Variants in SLC8A1 observed in about 807,000 individuals in gnomAD.
SLC8A1 encodes sodium/calcium exchanger 1.
Under a neutral mutation model 68.3 loss-of-function variants are expected in SLC8A1, and 18 were observed. The ratio of observed to expected loss-of-function variants is 0.26; its 90% CI spans 0.18 to 0.39. SLC8A1 has a LOEUF of 0.39. Among genes scored for constraint, SLC8A1 ranks in the 10% least tolerant of loss-of-function variants. SLC8A1 has a pLI of 1.00. For missense variants in SLC8A1, 985 were observed against 1,156.7 expected, an observed-to-expected ratio of 0.85 and a Z score of 2.15; for synonymous variants, 475 against 415.5, an observed-to-expected ratio of 1.14 and a Z score of -1.74.
intron 2 of SLC8A1, among the ~76,000 whole-genome samples, chr2:40,372,983 C>A (rs1678624137): frequency 6.6e-6 from 1 of 151,742 alleles, no homozygotes; most frequent in Non-Finnish European, 1.5e-5. Flanking sequence ...TACAAAATAC[C>A]AACAGCAGCC....
At chr2:40,144,252 C>A (rs946063491) in intron 6 of SLC8A1, among the ~76,000 whole-genome samples, 4 of 152,172 alleles carry the variant, frequency 2.6e-5, no homozygotes, top group African/African-American at 9.7e-5. Flanking sequence ...TGGGGTGTCT[C>A]TTAAATGACA....
At chr2:40,466,951 A>G (rs1703709253) in intron 1 of SLC8A1, among the ~76,000 whole-genome samples, 1 of 141,748 alleles carries the variant, frequency 7.1e-6, no homozygotes, top group African/African-American at 2.6e-5. Flanking sequence ...TAAATTAAAT[A>G]CCTTACAGGA....
intron 2 of SLC8A1, among the ~76,000 whole-genome samples, chr2:40,305,753 G>A (rs543321565): frequency 3.3e-5 from 5 of 152,166 alleles, no homozygotes; most frequent in African/African-American, 9.7e-5. Context: ...TGTTTGCCAA[G>A]TGTATTACAA....
intron 2 of SLC8A1, among the ~76,000 whole-genome samples, chr2:40,285,226 C>T (rs1265269243): frequency 1.3e-5 from 2 of 152,116 alleles, no homozygotes; most frequent in Non-Finnish European, 2.9e-5. Flanking sequence ...GATTTTTAAC[C>T]TAGGGCTGAT....
chr2:40,348,796 G>T (rs1228838725), intron 2 of SLC8A1, among the ~76,000 whole-genome samples: 1 of 152,128 alleles, frequency 6.6e-6, no homozygotes, highest in East Asian at 1.9e-4. Flanking sequence ...TATTCAGTCT[G>T]GAGGAAAGAA....
At chr2:40,147,995 C>T (rs2042761006) in intron 6 of SLC8A1, among the ~76,000 whole-genome samples, 2 of 152,168 alleles carry the variant, frequency 1.3e-5, no homozygotes, top group Admixed American at 1.3e-4. Flanking sequence ...AGATCTAAAA[C>T]TCTGTCACCT....
intron 2 of SLC8A1, among the ~76,000 whole-genome samples, chr2:40,298,271 A>G (rs770999946): frequency 6.6e-6 from 1 of 152,206 alleles, no homozygotes; most frequent in Non-Finnish European, 1.5e-5. Context: ...TCAAACACAA[A>G]TTGGCTACTT....
chr2:40,350,435 C>T (rs1241760621), intron 2 of SLC8A1, among the ~76,000 whole-genome samples: 3 of 151,826 alleles, frequency 2.0e-5, no homozygotes, highest in Non-Finnish European at 4.4e-5. Context: ...GAACTGTGAT[C>T]GTGCCACTGC....
chr2:40,367,702 C>G (rs1450269597), intron 2 of SLC8A1, among the ~76,000 whole-genome samples: 2 of 151,946 alleles, frequency 1.3e-5, no homozygotes, highest in African/African-American at 4.8e-5. Flanking sequence ...AAAATGGAAT[C>G]TAATACTCAA....
chr2:40,492,342 C>T (rs200493883), intron 1 of SLC8A1, among the ~76,000 whole-genome samples: 23,711 of 151,922 alleles, frequency 0.16, 2,841 homozygotes, highest in East Asian at 0.45. Context: ...CAAAAATTAA[C>T]TCAAGATGGA....
chr2:40,354,678 T>C (rs1672153169), intron 2 of SLC8A1, among the ~76,000 whole-genome samples: 2 of 152,170 alleles, frequency 1.3e-5, no homozygotes, highest in Non-Finnish European at 2.9e-5. Context: ...TCTTCTCCTC[T>C]AACATATAAT....
chr2:40,127,442 T>C (rs1279916666), intron 7 of SLC8A1, among the ~76,000 whole-genome samples: 1 of 152,178 alleles, frequency 6.6e-6, no homozygotes, highest in African/African-American at 2.4e-5. Flanking sequence ...TGGGTTAGTT[T>C]TGGGGTTCTG....
At chr2:40,466,614 A>G (rs909918297) in intron 1 of SLC8A1, among the ~76,000 whole-genome samples, 2 of 152,170 alleles carry the variant, frequency 1.3e-5, no homozygotes, top group African/African-American at 2.4e-5. Context: ...TATTACGAGG[A>G]TCTTGTAGTG....
chr2:40,349,335 G>C (rs1487859264), intron 2 of SLC8A1, among the ~76,000 whole-genome samples: 1 of 152,162 alleles, frequency 6.6e-6, no homozygotes, highest in East Asian at 1.9e-4. Flanking sequence ...AAAAGACAGA[G>C]TGGGCAGGAA....
chr2:40,180,141 C>G (rs1035080359), intron 2 of SLC8A1, among the ~76,000 whole-genome samples: 14 of 151,684 alleles, frequency 9.2e-5, no homozygotes, highest in Admixed American at 4.0e-4. Flanking sequence ...TAGATATTTA[C>G]AAAACTACCA....
intron 1 of SLC8A1, among the ~76,000 whole-genome samples, chr2:40,435,650 G>T (rs1699249277): frequency 6.6e-6 from 1 of 152,116 alleles, no homozygotes. Context: ...CTAGGGTGAA[G>T]GTAGGCAATG....
intron 2 of SLC8A1, among the ~76,000 whole-genome samples, chr2:40,248,222 A>G (rs2062168042): frequency 6.6e-6 from 1 of 152,186 alleles, no homozygotes; most frequent in Non-Finnish European, 1.5e-5. Flanking sequence ...TCAGTTTTCT[A>G]CAGTGATTTG....
chr2:40,286,609 G>C (rs1397815955), intron 2 of SLC8A1, among the ~76,000 whole-genome samples: 1 of 152,106 alleles, frequency 6.6e-6, no homozygotes, highest in Admixed American at 6.6e-5. Flanking sequence ...TGGACTAAAG[G>C]CCAGCTTAAG....
At chr2:40,493,423 C>T (rs990217384) in intron 1 of SLC8A1, among the ~76,000 whole-genome samples, 2 of 151,176 alleles carry the variant, frequency 1.3e-5, no homozygotes. Flanking sequence ...GTGCAGCACA[C>T]CAGCATGGCA....
Sources: gnomAD v4.1 joint callset for allele counts (sites outside exome capture counted in the v4.1 genomes callset) on GRCh38, gnomAD v4.1.1 for gene constraint, MANE v1.5 for transcripts, NCBI Gene and HGNC (gene_info 2026-07-23, HGNC 2026-07-21) for gene names.